LPP: variants seen among roughly 807,000 people sequenced by gnomAD.
LPP encodes the protein LIM domain containing preferred translocation partner in lipoma, also known as lipoma-preferred partner.
A neutral mutation model predicts 60.4 loss-of-function variants in LPP; 38 were observed. That is an observed-to-expected ratio of 0.63 (90% CI 0.49 to 0.83). LPP has a LOEUF of 0.83. Among genes scored for constraint, LPP ranks in the 40% least tolerant of loss-of-function variants. The pLI, the probability that LPP is intolerant of heterozygous loss-of-function variation, is 0.00. For synonymous variants in LPP, 328 were observed against 290.8 expected (o/e 1.13, Z -1.30); for missense variants, 902 against 783.6 (o/e 1.15, Z -1.80).
At chr3:188,845,494 T>C (rs1328134626) in intron 9 of LPP, among the ~76,000 whole-genome samples, 1 of 152,244 alleles carries the variant, frequency 6.6e-6, no homozygotes, top group Non-Finnish European at 1.5e-5. Context: ...ACACATTATT[T>C]ATCTAGAATT....
At chr3:188,831,262 C>A (rs1757067083) in intron 9 of LPP, among the ~76,000 whole-genome samples, 1 of 152,184 alleles carries the variant, frequency 6.6e-6, no homozygotes, top group Non-Finnish European at 1.5e-5. Flanking sequence ...GTGAAGCCAG[C>A]AAGAGTGCAA....
chr3:188,834,324 G>GTTTTTTTTTTTTTTTTT (rs71867135), intron 9 of LPP, among the ~76,000 whole-genome samples: 3 of 34,092 alleles, frequency 8.8e-5, no homozygotes, highest in East Asian at 1.9e-3. Flanking sequence ...CTTTTTGGGT[G>GTTTTTTTTTTTTTTTTT]TTTTTTTTTT....
At chr3:188,417,509 TCCTCAGG>T (rs1166602363) in intron 4 of LPP, among the ~76,000 whole-genome samples, 3 of 152,102 alleles carry the variant, frequency 2.0e-5, no homozygotes, top group African/African-American at 7.2e-5. Context: ...TTTGCTGATG[TCCTCAGG>T]CAATGCATCT....
chr3:188,311,127 C>T (rs996572037), intron 2 of LPP, among the ~76,000 whole-genome samples: 1 of 151,884 alleles, frequency 6.6e-6, no homozygotes, highest in Non-Finnish European at 1.5e-5. Flanking sequence ...GAATTGAGGC[C>T]GGGTGCAGTG....
chr3:188,520,417 A>G (rs1367135050), intron 5 of LPP, among the ~76,000 whole-genome samples: 1 of 152,178 alleles, frequency 6.6e-6, no homozygotes, highest in African/African-American at 2.4e-5. Context: ...CTCTGCAACC[A>G]TTTAACTTCT....
intron 6 of LPP, among the ~76,000 whole-genome samples, chr3:188,606,427 CTCT>C (rs34964992): frequency 0.23 from 34,859 of 151,892 alleles, 4,466 homozygotes; most frequent in Non-Finnish European, 0.29. Context: ...TTACAAGAAG[CTCT>C]TGGATAGAGT....
At chr3:188,719,929 C>T (rs62291263) in intron 8 of LPP, among the ~76,000 whole-genome samples, 14,733 of 152,086 alleles carry the variant, frequency 0.097, 895 homozygotes, top group Middle Eastern at 0.15. Flanking sequence ...TTTGTTTTGT[C>T]TGAGACGTAG....
At chr3:188,860,280 A>G (rs79419876) in intron 9 of LPP, among the ~76,000 whole-genome samples, 2,127 of 152,312 alleles carry the variant, frequency 0.014, 26 homozygotes, top group Non-Finnish European at 0.023. Flanking sequence ...AGGCAATAGC[A>G]GTATTCTGAG....
chr3:188,876,609 T>C lies in LPP; in HGVS notation c.*2130T>C, dbSNP rs544099654. On this transcript the variant is annotated 3_prime_UTR_variant, in exon 12 of 12. Coordinates refer to ENST00000617246, the MANE Select transcript of LPP (RefSeq NM_001375462.1). The stretch of plus-strand genomic sequence containing the variant: ...CTATTTGACAATAGGGCTGATAATG[T>C]AATCGGCTTGAATTTTGACTTAGTA... 1.8e-3 allele frequency: 358 copies of C among 201,252 alleles called. 2 individuals are homozygous for C. Among genetic ancestry groups the C allele is most frequent in the Non-Finnish European group, 2.8e-3 (278 of 97,558 alleles). 12.5% of individuals were successfully genotyped at this position (201,252 alleles called of 1,614,324 possible). A position where few individuals can be genotyped will look rare whatever the true frequency, so the allele number is the denominator to read the frequency against.
In LPP at chr3:188,880,192, G is replaced by A. The variant is rs1472061810; in HGVS notation, c.*5713G>A. On this transcript the variant is annotated 3_prime_UTR_variant, in exon 12 of 12. Coordinates refer to ENST00000617246, the MANE Select transcript of LPP (RefSeq NM_001375462.1). ...ACTACAGGCGCCTGCCACCACGCCC[G>A]GCTAATTTTTTTGTATTTTTAGTAG... 9 of 161,804 alleles carry A rather than the reference G, an allele frequency of 5.6e-5. No individual in the cohort carries two copies. The East Asian group carries it at 9.7e-4, about 17-fold the overall frequency. The allele number at this position is 161,804 out of a possible 1,614,324, so 10.0% of individuals were successfully genotyped here. A position where few individuals can be genotyped will look rare whatever the true frequency, so the allele number is the denominator to read the frequency against.
intron 7 of LPP, among the ~76,000 whole-genome samples, chr3:188,698,191 A>T (rs1863683014): frequency 1.3e-5 from 2 of 152,122 alleles, no homozygotes; most frequent in African/African-American, 4.8e-5. Context: ...GTGTGCCTGG[A>T]GTCACTGCCA....
intron 1 of LPP, among the ~76,000 whole-genome samples, chr3:188,203,335 C>T (rs1342417308): frequency 9.7e-6 from 1 of 103,088 alleles, no homozygotes; most frequent in African/African-American, 4.0e-5. Flanking sequence ...TTTATATTTA[C>T]ATATATATTT....
intron 7 of LPP, among the ~76,000 whole-genome samples, chr3:188,660,966 C>A (rs1854449939): frequency 6.6e-6 from 1 of 152,142 alleles, no homozygotes; most frequent in African/African-American, 2.4e-5. Flanking sequence ...AATACTTTCA[C>A]TGCCCCTAAG....
intron 6 of LPP, among the ~76,000 whole-genome samples, chr3:188,579,282 TCTTA>T (rs77105185): frequency 0.13 from 19,723 of 152,060 alleles, 1,326 homozygotes; most frequent in Middle Eastern, 0.19. Context: ...TTTAAAACTC[TCTTA>T]CTCAACACTG....
Position 188,877,669 on chromosome 3 carries a change from G to A in LPP, c.*3190G>A, listed in dbSNP as rs143688959. 1,067 of 187,290 alleles carry A rather than the reference G, an allele frequency of 5.7e-3. 12 individuals are homozygous for A. The highest frequency in any genetic ancestry group is 0.024 in the African/African-American group (1,029 of 42,808). The allele number at this position is 187,290 out of a possible 1,614,324, so 11.6% of individuals were successfully genotyped here. A position where few individuals can be genotyped will look rare whatever the true frequency, so the allele number is the denominator to read the frequency against. ...GACACCAGCCTGGGCAACATAGTGA[G>A]ACCTTGTCTCTACAAAAAATAAAAT... On this transcript the variant is annotated 3_prime_UTR_variant, in exon 12 of 12. Coordinates refer to ENST00000617246, the MANE Select transcript of LPP (RefSeq NM_001375462.1).
In LPP at chr3:188,880,034, C is replaced by CTTTTTTTTTT. The variant is rs71169024; in HGVS notation, c.*5560_*5569dup. ...AAAGATGCGTTTTTTTTCTTTTTTT[C>CTTTTTTTTTT]TTTTTTTTTTTTTTGAGACGGAGTC... On this transcript the variant is annotated 3_prime_UTR_variant, in exon 12 of 12. Coordinates refer to ENST00000617246, the MANE Select transcript of LPP (RefSeq NM_001375462.1). The CTTTTTTTTTT allele has an allele frequency of 6.9e-6, 1 of 144,312 alleles. No individual in the cohort carries two copies. The allele number at this position is 144,312 out of a possible 1,614,324, so 8.9% of individuals were successfully genotyped here. A position where few individuals can be genotyped will look rare whatever the true frequency, so the allele number is the denominator to read the frequency against.
chr3:188,805,030 A>G (rs970351389), intron 9 of LPP, among the ~76,000 whole-genome samples: 1 of 152,036 alleles, frequency 6.6e-6, no homozygotes, highest in African/African-American at 2.4e-5. Context: ...TCAGCCTTGC[A>G]TTCCCAAGAT....
At chr3:188,783,329 A>G (rs2150905628) in intron 9 of LPP, among the ~76,000 whole-genome samples, 1 of 152,348 alleles carries the variant, frequency 6.6e-6, no homozygotes, top group Admixed American at 6.5e-5. Flanking sequence ...GACAGACTGG[A>G]TAAAGAAAAT....
At chr3:188,613,794 A>G (rs964905765) in intron 7 of LPP, among the ~76,000 whole-genome samples, 2 of 152,068 alleles carry the variant, frequency 1.3e-5, no homozygotes, top group Admixed American at 6.6e-5. Flanking sequence ...TGTTGTGGTC[A>G]GTGTTGAAGG....
Sources: gnomAD v4.1 joint callset for allele counts (sites outside exome capture counted in the v4.1 genomes callset) on GRCh38, gnomAD v4.1.1 for gene constraint, MANE v1.5 for transcripts, NCBI Gene and HGNC (gene_info 2026-07-23, HGNC 2026-07-21) for gene names.